AKT2: variants seen among roughly 807,000 people sequenced by gnomAD.
AKT2 encodes RAC-beta serine/threonine-protein kinase.
AKT2 carries 16 observed loss-of-function variants against 58.6 expected under a neutral mutation model. The observed-to-expected ratio is 0.27, with a 90% CI of 0.18 to 0.41. The LOEUF is 0.41. Among genes scored for constraint, AKT2 ranks in the 10% least tolerant of loss-of-function variants. AKT2 has a pLI of 1.00. For synonymous variants in AKT2, 253 were observed against 254.0 expected, an observed-to-expected ratio of 1.00 and a Z score of 0.04; for missense variants, 438 against 661.0, an observed-to-expected ratio of 0.66 and a Z score of 3.70.
Position 40,233,868 on chromosome 19 carries a change from C to G in AKT2, c.*4G>C. 6.2e-7 allele frequency: 1 copy of G among 1,610,906 alleles called. No individual in the cohort carries two copies. The highest frequency in any genetic ancestry group is 8.5e-7 in the Non-Finnish European group (1 of 1,179,904). On this transcript the variant is annotated 3_prime_UTR_variant, in exon 14 of 14. Transcript: ENST00000392038. This position sits in a 1 kb window ranked among gnomAD's most constrained non-coding sequence, Gnocchi z 4.3. ...AGCGTGCGTCCTCTGCGTGGGCAGA[C>G]TGCTCACTCGCGGATGCTGGCCGAG...
chr19:40,245,499 T>C (rs925963755), intron 4 of AKT2, among the ~76,000 whole-genome samples: 8 of 152,138 alleles, frequency 5.3e-5, no homozygotes, highest in African/African-American at 1.9e-4. Flanking sequence ...AGAGAAGTCA[T>C]GATCCTGGAG....
chr19:40,248,827 T>G (rs1199016134), intron 4 of AKT2, among the ~76,000 whole-genome samples: 6 of 125,068 alleles, frequency 4.8e-5, no homozygotes, highest in Admixed American at 7.8e-5. Flanking sequence ...GTGGAGGAGA[T>G]GAGGACAGAG....
In AKT2 at chr19:40,237,989, C is replaced by T. The variant is rs1347953319; in HGVS notation, c.811G>A (p.Val271Met). ...CTAACCTTGATGTCGCGGTATACCA[C>T]GTCCCGCGAGTGCAAGTACTCAAGA... is the stretch of plus-strand genomic sequence containing the variant. ...SALEYLHSRD[V>M]VYRDIKLENL... Residue 271 changes from valine to methionine, a missense_variant, in exon 9 of 14, where the codon GTG (valine) becomes ATG (methionine). By Grantham distance (21) the Val-to-Met change is conservative (BLOSUM62 1). Transcript: ENST00000392038. This position sits in a 1 kb window ranked among gnomAD's most constrained non-coding sequence, Gnocchi z 4.5. 1 of 1,613,634 alleles carries T rather than the reference C, an allele frequency of 6.2e-7. No homozygotes were observed. Among genetic ancestry groups the T allele is most frequent in the Non-Finnish European group, 8.5e-7 (1 of 1,179,906 alleles).
chr19:40,278,564 G>A (rs1016997305), intron 1 of AKT2, among the ~76,000 whole-genome samples: 2 of 152,016 alleles, frequency 1.3e-5, no homozygotes, highest in Admixed American at 1.3e-4. Context: ...ACAGTGGTGG[G>A]AGTGATTCAC....
intron 1 of AKT2, chr19:40,273,424 G>A (rs1238138544): frequency 1.3e-5 from 2 of 150,280 alleles, no homozygotes; most frequent in Non-Finnish European, 2.9e-5. Context: ...TTCTGAACAG[G>A]TGAATTTTTA....
At chr19:40,265,422 G>A (rs1450592185) in intron 1 of AKT2, 71 bp from the exon 2 acceptor site, 1 of 1,515,294 alleles carries the variant, frequency 6.6e-7, no homozygotes, top group Non-Finnish European at 8.8e-7. Context: ...GAGGACGCCG[G>A]GCTCTGAGGC....
intron 2 of AKT2, among the ~76,000 whole-genome samples, chr19:40,259,602 C>T (rs1975794327): frequency 6.6e-6 from 1 of 152,130 alleles, no homozygotes; most frequent in Admixed American, 6.6e-5. Flanking sequence ...AAATTAAAAA[C>T]CTTTGTGCAT....
intron 2 of AKT2, 40 bp downstream of exon 2, chr19:40,265,182 C>G: frequency 6.2e-7 from 1 of 1,604,180 alleles, no homozygotes. Flanking sequence ...GAGGAGCCAG[C>G]GTGGGAGAAA....
chr19:40,231,303 G>C lies in AKT2; in HGVS notation c.*2569C>G, dbSNP rs550040050. Reference sequence around the variant, plus strand: ...GAGACCTGCATCACCATGGTGTGAGGAGCAGCAACGTGGGTCAACTCGGGG... The same window carrying C: ...GAGACCTGCATCACCATGGTGTGAGCAGCAGCAACGTGGGTCAACTCGGGG... On this transcript the variant is annotated 3_prime_UTR_variant, in exon 14 of 14. Transcript: ENST00000392038. 2.2e-5 allele frequency: 5 copies of C among 232,464 alleles called. No individual in the cohort carries two copies. Among genetic ancestry groups the C allele is most frequent in the Non-Finnish European group, 4.3e-5 (5 of 117,636 alleles). 14.4% of individuals were successfully genotyped at this position (232,464 alleles called of 1,614,324 possible). A position where few individuals can be genotyped will look rare whatever the true frequency, so the allele number is the denominator to read the frequency against.
rs766877433 is a variant in AKT2 at position 40,239,992 on chromosome 19, A to G, written c.639+53T>C. On this transcript the variant is annotated intron_variant, in intron 7 of 13. Coordinates refer to ENST00000392038, the MANE Select transcript of AKT2 (RefSeq NM_001626.6). Reference sequence around the variant, plus strand: ...CCAGAAGATTAGGGCTCTCTCTCTGAGCTCTGTCCAAAGGCTGGCCTCACA... The same window carrying G: ...CCAGAAGATTAGGGCTCTCTCTCTGGGCTCTGTCCAAAGGCTGGCCTCACA... 1.9e-6 allele frequency: 3 copies of G among 1,580,372 alleles called. No homozygotes were observed. The Admixed American group carries it at 5.0e-5, about 26-fold the overall frequency.
intron 1 of AKT2, among the ~76,000 whole-genome samples, chr19:40,267,464 G>A (rs1041146092): frequency 3.3e-5 from 5 of 152,206 alleles, no homozygotes; most frequent in East Asian, 1.9e-4. Context: ...CCTTCTGGGC[G>A]TTCTTCTCTC....
intron 1 of AKT2, 191 bp from the exon 2 acceptor site, chr19:40,265,542 C>A (rs2145365130): frequency 1.4e-6 from 1 of 735,368 alleles, no homozygotes; most frequent in African/African-American, 1.8e-5. Context: ...TCCCCAGCGA[C>A]CCCAATCTGG....
chr19:40,250,374 G>A (rs918623467), intron 4 of AKT2, among the ~76,000 whole-genome samples: 27 of 151,926 alleles, frequency 1.8e-4, no homozygotes, highest in African/African-American at 4.6e-4. Context: ...ATGGTGGCGC[G>A]TGCCTGTAAT....
At chr19:40,244,139 T>TG (rs1974595283) in intron 4 of AKT2, 1 of 151,054 alleles carries the variant, frequency 6.6e-6, no homozygotes, top group Non-Finnish European at 1.5e-5. Context: ...GTTTAGAACT[T>TG]GCTGAGAAAG....
chr19:40,282,159 G>A (rs939901741), intron 1 of AKT2: 35 of 208,934 alleles, frequency 1.7e-4, no homozygotes, highest in Admixed American at 1.4e-3. Context: ...AGTAGGGGGT[G>A]GGGGAGGCTG....
At chr19:40,248,403 C>G (rs1974899502) in intron 4 of AKT2, among the ~76,000 whole-genome samples, 1 of 152,212 alleles carries the variant, frequency 6.6e-6, no homozygotes, top group African/African-American at 2.4e-5. Context: ...CTCCTGACCT[C>G]AAGGGGAGGA....
intron 2 of AKT2, 140 bp from the exon 3 acceptor site, chr19:40,257,194 C>T: frequency 2.6e-6 from 3 of 1,173,592 alleles, no homozygotes; most frequent in African/African-American, 1.5e-5. Context: ...CACGAGAATG[C>T]CTCTCCCAGA....
intron 1 of AKT2, among the ~76,000 whole-genome samples, chr19:40,272,550 T>A (rs968262514): frequency 6.6e-6 from 1 of 152,230 alleles, no homozygotes; most frequent in Non-Finnish European, 1.5e-5. Flanking sequence ...ACACACGCCC[T>A]GTCACCTCAA....
intron 4 of AKT2, chr19:40,243,097 G>A (rs138318737): frequency 6.8e-4 from 156 of 227,914 alleles, no homozygotes; most frequent in Middle Eastern, 1.7e-3. Flanking sequence ...AGCAGAGATC[G>A]CACCACTGCA....
Sources: gnomAD v4.1 joint callset for allele counts (sites outside exome capture counted in the v4.1 genomes callset) on GRCh38, gnomAD v4.1.1 for gene constraint, Gnocchi (gnomAD v3.1) non-coding constraint, MANE v1.5 for transcripts, NCBI Gene and HGNC (gene_info 2026-07-23, HGNC 2026-07-21) for gene names.